The following KCNIP4 variants were observed in gnomAD, a reference collection of about 807,000 sequenced individuals.
KCNIP4 encodes the protein potassium voltage-gated channel interacting protein 4, also known as Kv channel-interacting protein 4.
KCNIP4 carries 12 observed loss-of-function variants against 34.0 expected under a neutral mutation model. The observed-to-expected ratio is 0.35, with a 90% CI of 0.23 to 0.57. The LOEUF (loss-of-function observed/expected upper bound fraction) is 0.57, where lower values mean the gene tolerates loss of function less well. KCNIP4 is among the 20% of genes least tolerant of loss of function. The probability of loss-of-function intolerance (pLI) is 0.83; values close to 1 mark genes in which losing one functional copy is unlikely to be tolerated. For missense variants in KCNIP4, 238 were observed against 311.7 expected, an observed-to-expected ratio of 0.76 and a Z score of 1.78; for synonymous variants, 124 against 102.2, an observed-to-expected ratio of 1.21 and a Z score of -1.29.
chr4:21,146,557 T>C (rs1752372280), intron 1 of KCNIP4, among the ~76,000 whole-genome samples: 2 of 152,202 alleles, frequency 1.3e-5, no homozygotes, highest in East Asian at 3.9e-4. Context: ...TCTAAAGTGA[T>C]GAGAACAAAT....
At chr4:21,106,756 C>T (rs1237508493) in intron 1 of KCNIP4, among the ~76,000 whole-genome samples, 2 of 151,412 alleles carry the variant, frequency 1.3e-5, no homozygotes, top group Non-Finnish European at 1.5e-5. Flanking sequence ...TTTCCCTCTA[C>T]ACACTGCTTT....
chr4:20,890,189 C>T (rs959365366), intron 1 of KCNIP4, among the ~76,000 whole-genome samples: 3 of 152,030 alleles, frequency 2.0e-5, no homozygotes, highest in Non-Finnish European at 2.9e-5. Flanking sequence ...AATAATGCAC[C>T]GAATGAGCCA....
intron 1 of KCNIP4, among the ~76,000 whole-genome samples, chr4:21,577,592 T>C (rs974092273): frequency 7.2e-5 from 11 of 151,996 alleles, no homozygotes; most frequent in African/African-American, 1.9e-4. Flanking sequence ...GATCGCGCCA[T>C]TGCATTCCAG....
chr4:20,847,090 G>A (rs1720475160), intron 3 of KCNIP4, among the ~76,000 whole-genome samples: 1 of 152,156 alleles, frequency 6.6e-6, no homozygotes, highest in East Asian at 1.9e-4. Context: ...AACCACGACT[G>A]TCCCACTTTG....
intron 1 of KCNIP4, among the ~76,000 whole-genome samples, chr4:21,589,243 T>TATGTATAG (rs1315941022): frequency 2.8e-4 from 29 of 104,968 alleles, no homozygotes; most frequent in African/African-American, 1.1e-3. Context: ...CAGATACATA[T>TATGTATAG]ATACATATAT....
chr4:21,686,736 TA>T (rs1353734279), intron 1 of KCNIP4, among the ~76,000 whole-genome samples: 3 of 152,112 alleles, frequency 2.0e-5, no homozygotes, highest in African/African-American at 7.2e-5. Context: ...AACAGAACCA[TA>T]ACACAGATTA....
At chr4:21,054,332 A>C (rs1428385783) in intron 1 of KCNIP4, among the ~76,000 whole-genome samples, 1 of 152,108 alleles carries the variant, frequency 6.6e-6, no homozygotes, top group Non-Finnish European at 1.5e-5. Context: ...CAGCCTGGCC[A>C]ACATGGTGAA....
intron 1 of KCNIP4, among the ~76,000 whole-genome samples, chr4:21,157,629 A>G (rs1183485702): frequency 6.6e-6 from 1 of 152,162 alleles, no homozygotes; most frequent in African/African-American, 2.4e-5. Context: ...TATTTTAAAT[A>G]AAAAATAAAA....
chr4:20,931,842 G>A (rs949932554), intron 1 of KCNIP4, among the ~76,000 whole-genome samples: 18 of 151,810 alleles, frequency 1.2e-4, no homozygotes, highest in Non-Finnish European at 2.4e-4. Flanking sequence ...AGGATGAACA[G>A]GTCTAGAGGT....
intron 1 of KCNIP4, among the ~76,000 whole-genome samples, chr4:21,909,807 C>T (rs902930203): frequency 2.0e-5 from 3 of 151,952 alleles, no homozygotes; most frequent in Non-Finnish European, 2.9e-5. Flanking sequence ...TGGCGACAGG[C>T]AAAGGGAGAA....
chr4:20,750,383 G>A (rs1753390936), intron 4 of KCNIP4, among the ~76,000 whole-genome samples: 1 of 152,056 alleles, frequency 6.6e-6, no homozygotes, highest in Admixed American at 6.6e-5. Flanking sequence ...TTCTGTGGCT[G>A]TGTTGGAAGG....
intron 1 of KCNIP4, among the ~76,000 whole-genome samples, chr4:21,768,401 G>A (rs375676143): frequency 1.3e-5 from 2 of 152,004 alleles, no homozygotes; most frequent in East Asian, 1.9e-4. Context: ...GGTAAATTCC[G>A]ATTTAAGTAC....
At chr4:21,947,638 A>C (rs1001576800) in intron 1 of KCNIP4, among the ~76,000 whole-genome samples, 2 of 152,162 alleles carry the variant, frequency 1.3e-5, no homozygotes, top group Non-Finnish European at 2.9e-5. Context: ...TTGCAAGTTT[A>C]CAGCCCTCGA....
At chr4:21,323,240 C>T (rs1251738154) in intron 1 of KCNIP4, among the ~76,000 whole-genome samples, 1 of 151,030 alleles carries the variant, frequency 6.6e-6, no homozygotes, top group African/African-American at 2.4e-5. Context: ...TCTCTAACCT[C>T]AAGCTTTTAT....
At chr4:21,105,001 T>C (rs1748365323) in intron 1 of KCNIP4, among the ~76,000 whole-genome samples, 2 of 151,722 alleles carry the variant, frequency 1.3e-5, no homozygotes, top group Non-Finnish European at 2.9e-5. Flanking sequence ...GCTGTAGCCT[T>C]GTAGTATAGT....
At chr4:20,877,661 A>T (rs910802705) in intron 2 of KCNIP4, among the ~76,000 whole-genome samples, 4 of 152,160 alleles carry the variant, frequency 2.6e-5, no homozygotes, top group Non-Finnish European at 4.4e-5. Context: ...ATTTCTTTAA[A>T]AACCATGTAG....
chr4:21,900,093 T>C (rs1187057915), intron 1 of KCNIP4, among the ~76,000 whole-genome samples: 2 of 152,184 alleles, frequency 1.3e-5, no homozygotes, highest in African/African-American at 4.8e-5. Context: ...TTCAATTCTT[T>C]GATTGCATTT....
chr4:21,896,647 G>C (rs554725621), intron 1 of KCNIP4, among the ~76,000 whole-genome samples: 1 of 152,258 alleles, frequency 6.6e-6, no homozygotes, highest in Admixed American at 6.5e-5. Context: ...TGTCAGACAT[G>C]GTGGCTCATA....
At chr4:21,631,867 T>G (rs1745789624) in intron 1 of KCNIP4, among the ~76,000 whole-genome samples, 1 of 152,240 alleles carries the variant, frequency 6.6e-6, no homozygotes, top group Non-Finnish European at 1.5e-5. Context: ...AAATGAGATT[T>G]GGTGTTCCAT....
Sources: allele counts gnomAD v4.1 joint callset (sites outside exome capture counted in the v4.1 genomes callset), GRCh38; gene constraint gnomAD v4.1.1; transcripts MANE v1.5; gene names NCBI Gene and HGNC (gene_info 2026-07-23, HGNC 2026-07-21).